SLC44A1: variants seen among roughly 807,000 people sequenced by gnomAD.
SLC44A1 encodes the protein choline transporter-like protein 1.
A neutral mutation model predicts 79.3 loss-of-function variants in SLC44A1; 26 were observed. That is an observed-to-expected ratio of 0.33 (90% CI 0.24 to 0.46). The LOEUF (loss-of-function observed/expected upper bound fraction) is 0.46. Ranked by LOEUF, SLC44A1 falls within the 20% of genes least tolerant of loss-of-function variation. SLC44A1 has a pLI of 1.00. For missense variants in SLC44A1, 688 were observed against 798.1 expected (o/e 0.86, Z 1.66); for synonymous variants, 263 against 286.2 (o/e 0.92, Z 0.82).
intron 13 of SLC44A1, among the ~76,000 whole-genome samples, chr9:105,382,278 A>G (rs1828491164): frequency 1.3e-5 from 2 of 152,212 alleles, no homozygotes; most frequent in South Asian, 4.1e-4. Context: ...GGGTTATTGA[A>G]AAGCTGGAAT....
intron 4 of SLC44A1, among the ~76,000 whole-genome samples, chr9:105,347,406 C>T (rs952639189): frequency 1.3e-5 from 2 of 151,982 alleles, no homozygotes; most frequent in African/African-American, 4.8e-5. Flanking sequence ...TGGGTCTCCT[C>T]ACTTAACAAT....
At chr9:105,291,977 G>A (rs957260532) in intron 1 of SLC44A1, among the ~76,000 whole-genome samples, 3 of 152,140 alleles carry the variant, frequency 2.0e-5, no homozygotes, top group Non-Finnish European at 4.4e-5. Flanking sequence ...AAATATAAGA[G>A]TATGAGTGGT....
At chr9:105,333,437 A>C (rs1826815780) in intron 3 of SLC44A1, among the ~76,000 whole-genome samples, 1 of 152,186 alleles carries the variant, frequency 6.6e-6, no homozygotes, top group South Asian at 2.1e-4. Context: ...TAATACATGT[A>C]AAGTGTTTAA....
Position 105,389,381 on chromosome 9 carries a change from AGAG to A in SLC44A1, c.*329_*331del, listed in dbSNP as rs914296648. 8 of 1,070,126 alleles carry A rather than the reference AGAG, an allele frequency of 7.5e-6. No individual in the cohort carries two copies. In the African/African-American group the frequency reaches 1.2e-4, roughly 15 times the overall value. 66.3% of individuals were successfully genotyped at this position (1,070,126 alleles called of 1,614,324 possible). A position where few individuals can be genotyped will look rare whatever the true frequency, so the allele number is the denominator to read the frequency against. ...ATCTGATTAACATTTTTAATAACTT[AGAG>A]GAGATTTTAACTTTATTTAAAAATA... On this transcript the variant is annotated 3_prime_UTR_variant, in exon 16 of 16. Coordinates refer to ENST00000374720, the MANE Select transcript of SLC44A1 (RefSeq NM_080546.5).
At chr9:105,314,751 T>G (rs1831274732) in intron 3 of SLC44A1, among the ~76,000 whole-genome samples, 1 of 152,176 alleles carries the variant, frequency 6.6e-6, no homozygotes, top group South Asian at 2.1e-4. Flanking sequence ...GGGGTGCATT[T>G]TATTTGAGCT....
chr9:105,304,943 CG>C (rs1830978503), intron 2 of SLC44A1, among the ~76,000 whole-genome samples: 2 of 22,796 alleles, frequency 8.8e-5, no homozygotes, highest in African/African-American at 8.8e-5. Context: ...GACTTTCTAT[CG>C]TTTTTTTTTT....
chr9:105,383,909 T>C (rs1352511684), intron 14 of SLC44A1, among the ~76,000 whole-genome samples: 1 of 152,208 alleles, frequency 6.6e-6, no homozygotes, highest in Non-Finnish European at 1.5e-5. Flanking sequence ...TACACAGATA[T>C]ATGCAGATTT....
intron 3 of SLC44A1, among the ~76,000 whole-genome samples, chr9:105,333,932 A>G (rs148705807): frequency 6.6e-6 from 1 of 152,312 alleles, no homozygotes; most frequent in African/African-American, 2.4e-5. Context: ...CACATTTCTC[A>G]AGGACCTGAT....
At position 105,363,755 on chromosome 9, in the gene SLC44A1, G is replaced by A. The variant is rs573381218; in HGVS notation, c.1087+748G>A. Among the ~76,000 whole-genome samples, 7 of 152,292 alleles carry A rather than the reference G, an allele frequency of 4.6e-5. No individual in the cohort carries two copies. In the South Asian group the frequency reaches 1.0e-3, roughly 23 times the overall value. On this transcript the variant is annotated intron_variant, in intron 9 of 15. Coordinates refer to ENST00000374720, the MANE Select transcript of SLC44A1 (RefSeq NM_080546.5). Reference sequence around the variant, plus strand: ...GCTGGGATTACAGGCGTGAGCCAGCGTGCCCAGCCCATATTCATGATTTTT... The same window carrying A: ...GCTGGGATTACAGGCGTGAGCCAGCATGCCCAGCCCATATTCATGATTTTT...
intron 15 of SLC44A1, among the ~76,000 whole-genome samples, chr9:105,433,232 G>A (rs959400478): frequency 6.6e-6 from 1 of 152,104 alleles, no homozygotes; most frequent in Non-Finnish European, 1.5e-5. Flanking sequence ...GGAGGTGGAG[G>A]TTGCAGTGAG....
chr9:105,377,973 C>A (rs567326653), intron 13 of SLC44A1, among the ~76,000 whole-genome samples: 33 of 152,208 alleles, frequency 2.2e-4, no homozygotes, highest in African/African-American at 7.7e-4. Context: ...GAGGGCCGGG[C>A]ACGGTGGCTC....
chr9:105,385,249 A>T (rs1029645936), intron 14 of SLC44A1, among the ~76,000 whole-genome samples, 173 bp from the exon 15 acceptor site: 1 of 152,192 alleles, frequency 6.6e-6, no homozygotes, highest in African/African-American at 2.4e-5. Flanking sequence ...TGCAGAGTCC[A>T]TTTCTACAAA....
intron 12 of SLC44A1, among the ~76,000 whole-genome samples, chr9:105,372,747 G>A (rs1185157862): frequency 1.4e-5 from 2 of 144,842 alleles, no homozygotes; most frequent in African/African-American, 4.9e-5. Context: ...TCAGGAGATC[G>A]AGACCATCCC....
Position 105,420,391 on chromosome 9 carries a change from A to G in SLC44A1, c.1951-17890A>G, listed in dbSNP as rs1829230008. Among the ~76,000 whole-genome samples, 3 of 152,152 alleles carry G rather than the reference A, an allele frequency of 2.0e-5. 1 individual carries two copies. In the South Asian group the frequency reaches 6.2e-4, roughly 32 times the overall value. The stretch of plus-strand genomic sequence containing the variant: ...GGCATGGGAAATTAAAGTTACAAAC[A>G]CTCTTTCCTTTGTCCCGGAGACATG... On this transcript the variant is annotated intron_variant, in intron 15 of 15. Coordinates refer to the SLC44A1 transcript ENST00000374724.
chr9:105,392,550 G>C lies in SLC44A1; in HGVS notation c.*3494G>C. 1 of 985,136 alleles carries C rather than the reference G, an allele frequency of 1.0e-6. No homozygotes were observed. The highest frequency in any genetic ancestry group is 1.2e-6 in the Non-Finnish European group (1 of 829,906). The allele number at this position is 985,136 out of a possible 1,614,324, so 61.0% of individuals were successfully genotyped here. A position where few individuals can be genotyped will look rare whatever the true frequency, so the allele number is the denominator to read the frequency against. On this transcript the variant is annotated 3_prime_UTR_variant, in exon 16 of 16. Coordinates refer to ENST00000374720, the MANE Select transcript of SLC44A1 (RefSeq NM_080546.5). ...AGGATTTCACCCTAGTAGGGGGTAT[G>C]AGGCACTGACCCCTTTATTCTGGAC...
intron 1 of SLC44A1, among the ~76,000 whole-genome samples, chr9:105,281,696 C>T (rs534290317): frequency 6.6e-5 from 10 of 152,136 alleles, no homozygotes; most frequent in African/African-American, 1.9e-4. Flanking sequence ...CTGGTCATTT[C>T]GTAACCCAGG....
intron 6 of SLC44A1, among the ~76,000 whole-genome samples, chr9:105,357,990 A>G (rs758676657): frequency 2.6e-5 from 4 of 152,216 alleles, no homozygotes. Context: ...CCAACATGAC[A>G]TGTCATTCTC....
intron 10 of SLC44A1, among the ~76,000 whole-genome samples, chr9:105,364,927 C>A (rs1827894191): frequency 6.6e-6 from 1 of 152,122 alleles, no homozygotes; most frequent in South Asian, 2.1e-4. Flanking sequence ...TTATACTTTT[C>A]TGCAGTTGTC....
intron 15 of SLC44A1, among the ~76,000 whole-genome samples, chr9:105,414,361 T>C (rs983325058): frequency 1.3e-5 from 2 of 152,284 alleles, no homozygotes; most frequent in East Asian, 3.9e-4. Context: ...AGCCGACAGT[T>C]AGTGTTTTTT....
Sources: gnomAD v4.1 joint callset for allele counts (sites outside exome capture counted in the v4.1 genomes callset) on GRCh38, gnomAD v4.1.1 for gene constraint, MANE v1.5 for transcripts, NCBI Gene and HGNC (gene_info 2026-07-23, HGNC 2026-07-21) for gene names.